SLC24A1: variants seen among roughly 807,000 people sequenced by gnomAD.
The protein encoded by SLC24A1 is sodium/potassium/calcium exchanger 1.
SLC24A1 carries 52 observed loss-of-function variants against 88.1 expected under a neutral mutation model. The observed-to-expected ratio is 0.59, with a 90% CI of 0.47 to 0.74. The LOEUF is 0.74. SLC24A1 is among the 30% of genes least tolerant of loss of function. The pLI is 0.00. For missense variants in SLC24A1, 1,173 were observed against 1,363.3 expected (o/e 0.86, Z 2.20); for synonymous variants, 455 against 498.0 (o/e 0.91, Z 1.15).
chr15:65,630,466 G>A (rs985295351), intron 2 of SLC24A1, among the ~76,000 whole-genome samples: 1 of 152,196 alleles, frequency 6.6e-6, no homozygotes, highest in Non-Finnish European at 1.5e-5. Flanking sequence ...GCTGTGTGCA[G>A]GAAGCAGCCG....
At chr15:65,644,305 G>A in intron 4 of SLC24A1, 122 bp from the exon 5 acceptor site, 1 of 727,386 alleles carries the variant, frequency 1.4e-6, no homozygotes, top group East Asian at 2.7e-5. Context: ...AACCCCCATG[G>A]CAGCCTTTTC....
At chr15:65,641,179 C>A (rs971889787) in intron 4 of SLC24A1, among the ~76,000 whole-genome samples, 1 of 152,116 alleles carries the variant, frequency 6.6e-6, no homozygotes, top group African/African-American at 2.4e-5. Context: ...TCGAGAGCAT[C>A]CTGGGCAACA....
chr15:65,614,808 G>A (rs947444333), intron 2 of SLC24A1, among the ~76,000 whole-genome samples: 2 of 152,206 alleles, frequency 1.3e-5, no homozygotes, highest in Non-Finnish European at 2.9e-5. Flanking sequence ...AAGAAGATAG[G>A]AGGGGAGTAA....
At chr15:65,644,183 A>T in intron 4 of SLC24A1, 1 of 495,510 alleles carries the variant, frequency 2.0e-6, no homozygotes, top group Non-Finnish European at 3.7e-6. Flanking sequence ...GAGAAGGGAA[A>T]TGACTTACCC....
At position 65,656,241 on chromosome 15, in the gene SLC24A1, A is replaced by G; in HGVS notation, c.*2162A>G. 1.0e-6 allele frequency: 1 copy of G among 985,160 alleles called. No homozygotes were observed. The highest frequency in any genetic ancestry group is 1.2e-6 in the Non-Finnish European group (1 of 829,660). 61.0% of individuals were successfully genotyped at this position (985,160 alleles called of 1,614,324 possible). ...GCTGAAATATCCACTGAATGATTAA[A>G]ACCAACTCTAATAATCTGACATCCT... On this transcript the variant is annotated 3_prime_UTR_variant, in exon 10 of 10. Coordinates refer to ENST00000261892, the MANE Select transcript of SLC24A1 (RefSeq NM_004727.3).
In SLC24A1 at chr15:65,624,826, T is replaced by C; in HGVS notation, c.746T>C (p.Leu249Pro). 1 of 1,613,956 alleles carries C rather than the reference T, an allele frequency of 6.2e-7. No homozygotes were observed. ...ATGGAGGAAACCACCCCAACCACTC[T>C]CAAGGGAATGTTTGATAGCACCCCA... ...RIMEETTPTT[L>P]KGMFDSTPTF... The change falls in exon 2 of 10, where the codon CTC (leucine) becomes CCC (proline). Residue 249 changes from leucine (L) to proline (P), a missense_variant. By Grantham distance (98) the Leu-to-Pro change is moderately conservative. Coordinates refer to ENST00000261892, the MANE Select transcript of SLC24A1 (RefSeq NM_004727.3).
At chr15:65,636,397 C>T (rs1014126102) in intron 2 of SLC24A1, among the ~76,000 whole-genome samples, 3 of 152,184 alleles carry the variant, frequency 2.0e-5, no homozygotes, top group African/African-American at 4.8e-5. Flanking sequence ...GCTTGGGCAA[C>T]ATGGTGAAAT....
At chr15:65,658,514 A>G (rs2075752061), downstream of SLC24A1, 1 of 152,250 alleles carries the variant, frequency 6.6e-6, no homozygotes, top group African/African-American at 2.4e-5. Flanking sequence ...CGCATATTAC[A>G]AAGTAGAGGT....
At chr15:65,644,153 C>G (rs993138020) in intron 4 of SLC24A1, 1 of 417,942 alleles carries the variant, frequency 2.4e-6, no homozygotes, top group Non-Finnish European at 4.4e-6. Flanking sequence ...TGTCATTTTA[C>G]CAGAGAGGAA....
chr15:65,651,460 G>T (rs150298794), intron 7 of SLC24A1, among the ~76,000 whole-genome samples: 195 of 152,210 alleles, frequency 1.3e-3, no homozygotes, highest in African/African-American at 4.3e-3. Flanking sequence ...CTACTGGCTG[G>T]ACTCCCCTAC....
intron 4 of SLC24A1, chr15:65,643,893 C>T (rs185823594): frequency 4.7e-4 from 73 of 154,852 alleles, no homozygotes; most frequent in Non-Finnish European, 8.5e-4. Context: ...CAGCCGTCCC[C>T]CTGGAGCTAT....
At chr15:65,660,575 C>A, downstream of SLC24A1, 1 of 369,930 alleles carries the variant, frequency 2.7e-6, no homozygotes, top group Non-Finnish European at 4.8e-6. Flanking sequence ...CAGAAATTAC[C>A]CAAAGAAAGT....
intron 2 of SLC24A1, among the ~76,000 whole-genome samples, chr15:65,630,319 A>G (rs1048387207): frequency 6.6e-6 from 1 of 152,108 alleles, no homozygotes; most frequent in Non-Finnish European, 1.5e-5. Flanking sequence ...AAATTAAACC[A>G]ATCAACAAGA....
upstream of SLC24A1, among the ~76,000 whole-genome samples, chr15:65,617,031 TGTAGATGTGTG>T (rs1466582752): frequency 1.3e-5 from 2 of 152,154 alleles, no homozygotes; most frequent in Admixed American, 1.3e-4. Context: ...ATCAGATGGT[TGTAGATGTGTG>T]GTGTTATTTC....
intron 2 of SLC24A1, among the ~76,000 whole-genome samples, chr15:65,635,731 C>T (rs2074911713): frequency 6.6e-6 from 1 of 152,218 alleles, no homozygotes; most frequent in Non-Finnish European, 1.5e-5. Context: ...CCCAATCCTT[C>T]AAAGCTTACT....
In SLC24A1 at chr15:65,654,652, T is replaced by C; in HGVS notation, c.*573T>C. On this transcript the variant is annotated 3_prime_UTR_variant, in exon 10 of 10. Transcript: ENST00000261892. ...GAAAAAAAAGAAATATAACAGGAAT[T>C]AATGATCATTCCACGTTTTGTAGCC... 3 of 1,271,694 alleles carry C rather than the reference T, an allele frequency of 2.4e-6. No homozygotes were observed. The highest frequency in any genetic ancestry group is 3.0e-6 in the Non-Finnish European group (3 of 984,078). 78.8% of individuals were successfully genotyped at this position (1,271,694 alleles called of 1,614,324 possible).
chr15:65,627,106 G>T (rs2074546162), intron 2 of SLC24A1, among the ~76,000 whole-genome samples: 3 of 152,182 alleles, frequency 2.0e-5, no homozygotes, highest in Non-Finnish European at 4.4e-5. Flanking sequence ...GATATTTGAG[G>T]CAAGGGAGAT....
At position 65,644,805 on chromosome 15, in the gene SLC24A1, G is replaced by A. The variant is rs546559505; in HGVS notation, c.2140+292G>A. On this transcript the variant is annotated intron_variant, in intron 5 of 9. Transcript: ENST00000261892. ...GGTAGGCGAGGGAAGGCTAGGGGTT[G>A]TTGAACTCCCACTTCTTTTTGCTAA... is the stretch of plus-strand genomic sequence containing the variant. Among the ~76,000 whole-genome samples, 54 of 152,338 alleles carry A rather than the reference G, an allele frequency of 3.5e-4. 1 individual carries two copies. Among genetic ancestry groups the A allele is most frequent in the Non-Finnish European group, 1.0e-4 (7 of 68,030 alleles).
At chr15:65,634,596 C>T (rs943472711) in intron 2 of SLC24A1, among the ~76,000 whole-genome samples, 1 of 152,020 alleles carries the variant, frequency 6.6e-6, no homozygotes, top group Non-Finnish European at 1.5e-5. Flanking sequence ...ATCAGCCACA[C>T]CCAAATGTTG....
Sources: gnomAD v4.1 joint callset for allele counts (sites outside exome capture counted in the v4.1 genomes callset) on GRCh38, gnomAD v4.1.1 for gene constraint, MANE v1.5 for transcripts, NCBI Gene and HGNC (gene_info 2026-07-23, HGNC 2026-07-21) for gene names.